The following CNTN4 variants were observed in gnomAD, a reference collection of about 807,000 sequenced individuals.
CNTN4 encodes the protein contactin-4.
CNTN4 carries 77 observed loss-of-function variants against 122.5 expected under a neutral mutation model. The observed-to-expected ratio is 0.63, with a 90% CI of 0.52 to 0.76. The LOEUF (loss-of-function observed/expected upper bound fraction) is 0.76, where lower values mean the gene tolerates loss of function less well. Among genes scored for constraint, CNTN4 ranks in the 30% least tolerant of loss-of-function variants. The pLI is 0.00. For synonymous variants in CNTN4, 512 were observed against 447.0 expected, an observed-to-expected ratio of 1.15 and a Z score of -1.83; for missense variants, 1,256 against 1,259.1, an observed-to-expected ratio of 1.00 and a Z score of 0.04.
chr3:3,003,715 CA>C (rs1206039949), intron 14 of CNTN4, among the ~76,000 whole-genome samples: 2 of 84,842 alleles, frequency 2.4e-5, no homozygotes, highest in Non-Finnish European at 5.3e-5. Context: ...AAAAAAAAAA[CA>C]AAAAAACCCC....
intron 7 of CNTN4, among the ~76,000 whole-genome samples, chr3:2,820,516 A>G (rs1466943500): frequency 6.6e-6 from 1 of 152,050 alleles, no homozygotes; most frequent in East Asian, 1.9e-4. Flanking sequence ...ATCTATGGCC[A>G]TTGTAATTGA....
chr3:2,612,234 A>G (rs987947908), intron 4 of CNTN4, among the ~76,000 whole-genome samples: 1 of 152,090 alleles, frequency 6.6e-6, no homozygotes, highest in Non-Finnish European at 1.5e-5. Context: ...TACATTTAAT[A>G]CAGCTAACGA....
chr3:2,974,704 T>C (rs1693255962), intron 13 of CNTN4, among the ~76,000 whole-genome samples: 1 of 152,166 alleles, frequency 6.6e-6, no homozygotes, highest in Non-Finnish European at 1.5e-5. Flanking sequence ...TGCAGCTGTT[T>C]TAGGGACAGG....
intron 3 of CNTN4, among the ~76,000 whole-genome samples, chr3:2,391,795 AAAAACTT>A (rs2046450407): frequency 6.6e-6 from 1 of 152,152 alleles, no homozygotes; most frequent in Non-Finnish European, 1.5e-5. Context: ...CCTTGATCAC[AAAAACTT>A]ACCGTAGCTA....
At chr3:2,952,254 T>G (rs566621387) in intron 13 of CNTN4, among the ~76,000 whole-genome samples, 2 of 131,560 alleles carry the variant, frequency 1.5e-5, no homozygotes, top group African/African-American at 5.0e-5. Flanking sequence ...CAGCTCCCTA[T>G]GTATGTTGAA....
chr3:2,820,128 G>C (rs998875701), intron 7 of CNTN4, among the ~76,000 whole-genome samples: 1 of 152,044 alleles, frequency 6.6e-6, no homozygotes, highest in Non-Finnish European at 1.5e-5. Flanking sequence ...ATAGGATAAA[G>C]GCTCAGTCCC....
intron 2 of CNTN4, among the ~76,000 whole-genome samples, chr3:2,153,520 C>T (rs779124903): frequency 2.4e-4 from 37 of 152,172 alleles, no homozygotes; most frequent in Non-Finnish European, 4.0e-4. Context: ...ATTTTAAACA[C>T]GAATATAGGC....
chr3:2,246,209 C>T (rs2040140460), intron 2 of CNTN4, among the ~76,000 whole-genome samples: 1 of 151,934 alleles, frequency 6.6e-6, no homozygotes, highest in Admixed American at 6.6e-5. Flanking sequence ...CATTCTCATC[C>T]TGCAACTACT....
At chr3:2,258,847 T>A (rs2040706904) in intron 2 of CNTN4, among the ~76,000 whole-genome samples, 2 of 152,158 alleles carry the variant, frequency 1.3e-5, no homozygotes, top group Non-Finnish European at 2.9e-5. Flanking sequence ...ATGTAAGATT[T>A]ATGAGGGCAG....
intron 4 of CNTN4, among the ~76,000 whole-genome samples, chr3:2,735,061 A>G (rs1443138111): frequency 7.2e-5 from 11 of 152,232 alleles, no homozygotes. Context: ...GTACCACAAG[A>G]GATACAAAAA....
chr3:2,776,430 C>A (rs2091320676), intron 6 of CNTN4, among the ~76,000 whole-genome samples: 2 of 151,982 alleles, frequency 1.3e-5, no homozygotes, highest in Admixed American at 1.3e-4. Flanking sequence ...GGGCCATCTC[C>A]TCTGAGCCAG....
chr3:2,351,556 A>G (rs1324626548), intron 3 of CNTN4, among the ~76,000 whole-genome samples: 1 of 152,222 alleles, frequency 6.6e-6, no homozygotes, highest in Non-Finnish European at 1.5e-5. Flanking sequence ...GATCTCACTT[A>G]TCCCCCTTTA....
intron 10 of CNTN4, among the ~76,000 whole-genome samples, chr3:2,890,277 T>A (rs552803288): frequency 8.7e-4 from 132 of 152,336 alleles, no homozygotes; most frequent in Non-Finnish European, 1.6e-3. Flanking sequence ...TTCCTCTCAC[T>A]TTTTTCTGGT....
chr3:2,599,146 A>C (rs1016454368), intron 4 of CNTN4, among the ~76,000 whole-genome samples: 2 of 152,168 alleles, frequency 1.3e-5, no homozygotes, highest in Non-Finnish European at 2.9e-5. Context: ...ATTAGCGTGT[A>C]TCCACATGTA....
rs1456094030 is a variant in CNTN4, at chr3:3,040,017, C to A, written c.2164-20C>A. ...GTGAAACTACTGTGATTTCTGAAGACCACCTTCCTTCTTTCCCAGACGGTC... is the reference window on the plus strand; with the variant it reads ...GTGAAACTACTGTGATTTCTGAAGAACACCTTCCTTCTTTCCCAGACGGTC... On this transcript the variant is annotated intron_variant, in intron 19 of 24. Coordinates refer to ENST00000418658, the MANE Select transcript of CNTN4 (RefSeq NM_175607.3). 10 of 1,541,980 alleles carry A rather than the reference C, an allele frequency of 6.5e-6. No individual in the cohort carries two copies. The highest frequency in any genetic ancestry group is 9.0e-6 in the Non-Finnish European group (10 of 1,114,034).
intron 14 of CNTN4, among the ~76,000 whole-genome samples, chr3:3,000,010 G>GA (rs1277262947): frequency 6.6e-6 from 1 of 152,106 alleles, no homozygotes. Flanking sequence ...AAATTAGTTT[G>GA]AAAGATAATC....
intron 2 of CNTN4, among the ~76,000 whole-genome samples, chr3:2,236,340 G>T (rs2039680200): frequency 1.3e-5 from 2 of 152,248 alleles, no homozygotes; most frequent in African/African-American, 4.8e-5. Flanking sequence ...TCTGTGAACT[G>T]GGATAATACC....
At chr3:2,928,802 T>C (rs2094495391) in intron 13 of CNTN4, among the ~76,000 whole-genome samples, 1 of 152,202 alleles carries the variant, frequency 6.6e-6, no homozygotes, top group Non-Finnish European at 1.5e-5. Flanking sequence ...TGCCTACAAA[T>C]GAGTTTACAG....
At chr3:2,191,890 C>G (rs1219051000) in intron 2 of CNTN4, among the ~76,000 whole-genome samples, 2 of 151,904 alleles carry the variant, frequency 1.3e-5, no homozygotes, top group Non-Finnish European at 2.9e-5. Context: ...TCCCCCCACT[C>G]CACAACAGGC....
Sources: allele counts gnomAD v4.1 joint callset (sites outside exome capture counted in the v4.1 genomes callset), GRCh38; gene constraint gnomAD v4.1.1; transcripts MANE v1.5; gene names NCBI Gene and HGNC (gene_info 2026-07-23, HGNC 2026-07-21).